NR2F1-AS1: variants seen among roughly 807,000 people sequenced by gnomAD.
NR2F1-AS1 encodes NR2F1 regulatory antisense RNA 1.
chr5:93,454,054 G>A (rs1267338473), intron 4 of NR2F1-AS1, among the ~76,000 whole-genome samples: 1 of 152,172 alleles, frequency 6.6e-6, no homozygotes, highest in Non-Finnish European at 1.5e-5. Context: ...AGGCAGGATT[G>A]CTTGAGCCCA....
chr5:93,528,505 T>C (rs899617618), intron 4 of NR2F1-AS1, among the ~76,000 whole-genome samples: 10 of 152,152 alleles, frequency 6.6e-5, no homozygotes, highest in African/African-American at 2.4e-4. Flanking sequence ...TCCTCAAGGA[T>C]CTAGAACTAG....
chr5:93,434,171 TC>T (rs917176531), intron 4 of NR2F1-AS1, among the ~76,000 whole-genome samples: 3 of 152,162 alleles, frequency 2.0e-5, no homozygotes, highest in African/African-American at 7.2e-5. Context: ...TGCCTTTTTT[TC>T]ATTGCTAGAA....
At chr5:93,493,346 T>C (rs1750890882) in intron 4 of NR2F1-AS1, among the ~76,000 whole-genome samples, 1 of 151,954 alleles carries the variant, frequency 6.6e-6, no homozygotes, top group African/African-American at 2.4e-5. Flanking sequence ...GTGAAAGACA[T>C]ACACTGTATG....
At chr5:93,491,724 A>G (rs1279487986) in intron 4 of NR2F1-AS1, among the ~76,000 whole-genome samples, 1 of 152,076 alleles carries the variant, frequency 6.6e-6, no homozygotes, top group Admixed American at 6.6e-5. Flanking sequence ...ATCTTCTCCT[A>G]CCCTTGGACA....
At chr5:93,572,821 A>G (rs1400389726) in intron 1 of NR2F1-AS1, among the ~76,000 whole-genome samples, 3 of 152,260 alleles carry the variant, frequency 2.0e-5, no homozygotes, top group African/African-American at 7.2e-5. Flanking sequence ...GCTGCTATTA[A>G]GAGCTCAAAT....
chr5:93,473,608 T>G (rs899588146), intron 4 of NR2F1-AS1, among the ~76,000 whole-genome samples: 4 of 150,842 alleles, frequency 2.7e-5, no homozygotes, highest in African/African-American at 9.7e-5. Flanking sequence ...AATATACCCT[T>G]AAATATATAT....
chr5:93,457,084 G>A (rs897467788), intron 4 of NR2F1-AS1, among the ~76,000 whole-genome samples: 1 of 152,180 alleles, frequency 6.6e-6, no homozygotes, highest in African/African-American at 2.4e-5. Context: ...ACGAGCAGGA[G>A]ACAGATGCCT....
At position 93,465,377 on chromosome 5, in the gene NR2F1-AS1, T is replaced by C. The variant is rs556033600; in HGVS notation, n.639-69835A>G. ...AATGCAAATCAAAACCACAATGAGA[T>C]ACCATCTCATGCCAGTTAGAATGGC... On this transcript the variant is annotated intron_variant and non_coding_transcript_variant, in intron 4 of 5. Coordinates refer to ENST00000660523, the Ensembl canonical transcript of NR2F1-AS1. 3.3e-5 allele frequency among the ~76,000 whole-genome samples: 5 copies of C among 152,334 alleles called. No individual in the cohort carries two copies. In the East Asian group the frequency reaches 5.8e-4, roughly 18 times the overall value.
At chr5:93,569,676 A>G (rs909447062) in intron 1 of NR2F1-AS1, among the ~76,000 whole-genome samples, 1 of 152,348 alleles carries the variant, frequency 6.6e-6, no homozygotes, top group East Asian at 1.9e-4. Flanking sequence ...AAAAGTTTCC[A>G]CAGTGTAACC....
intron 1 of NR2F1-AS1, chr5:93,569,926 G>C (rs1752706904): frequency 6.6e-6 from 1 of 152,154 alleles, no homozygotes; most frequent in Non-Finnish European, 1.5e-5. Context: ...GCAACATCTG[G>C]AGCACGAGTC....
At chr5:93,440,803 C>T (rs920325710) in intron 4 of NR2F1-AS1, among the ~76,000 whole-genome samples, 1 of 152,162 alleles carries the variant, frequency 6.6e-6, no homozygotes, top group African/African-American at 2.4e-5. Context: ...TTCAGCACTA[C>T]CAGCTTTCAT....
chr5:93,572,654 C>A (rs549184288), intron 1 of NR2F1-AS1, among the ~76,000 whole-genome samples: 8 of 152,346 alleles, frequency 5.3e-5, no homozygotes, highest in African/African-American at 1.9e-4. Context: ...CGCCGTTATT[C>A]CAGACTCCAG....
intron 4 of NR2F1-AS1, among the ~76,000 whole-genome samples, chr5:93,499,501 C>T (rs983449743): frequency 1.3e-5 from 2 of 152,090 alleles, no homozygotes; most frequent in African/African-American, 4.8e-5. Context: ...TTACTATTGT[C>T]ATTGTTTGAG....
intron 4 of NR2F1-AS1, among the ~76,000 whole-genome samples, chr5:93,534,717 T>C (rs1266041837): frequency 1.3e-5 from 2 of 152,132 alleles, no homozygotes; most frequent in East Asian, 3.9e-4. Flanking sequence ...GGCAGAGAAG[T>C]AGATCATCCA....
intron 4 of NR2F1-AS1, among the ~76,000 whole-genome samples, chr5:93,502,867 A>G (rs926436560): frequency 2.0e-5 from 3 of 152,226 alleles, no homozygotes; most frequent in Admixed American, 6.5e-5. Flanking sequence ...AATGAAAAAA[A>G]CTAGGGGCTG....
intron 4 of NR2F1-AS1, among the ~76,000 whole-genome samples, chr5:93,448,771 T>C (rs1396543946): frequency 6.6e-6 from 1 of 152,172 alleles, no homozygotes; most frequent in Non-Finnish European, 1.5e-5. Flanking sequence ...TTTTGTTCTA[T>C]TGAGGTCTTC....
chr5:93,481,109 G>T (rs565960092), intron 4 of NR2F1-AS1, among the ~76,000 whole-genome samples: 3 of 151,994 alleles, frequency 2.0e-5, no homozygotes, highest in Non-Finnish European at 4.4e-5. Context: ...CCAGCTAGTT[G>T]CTGCTTAAAA....
At chr5:93,526,033 A>C (rs1446417904) in intron 4 of NR2F1-AS1, among the ~76,000 whole-genome samples, 4 of 152,054 alleles carry the variant, frequency 2.6e-5, no homozygotes, top group Non-Finnish European at 5.9e-5. Flanking sequence ...AGATAGACAC[A>C]AAAAAACCCT....
chr5:93,469,037 G>A (rs1158503191), intron 4 of NR2F1-AS1, among the ~76,000 whole-genome samples: 1 of 152,084 alleles, frequency 6.6e-6, no homozygotes. Flanking sequence ...TTAACCCAAA[G>A]GAATGCTTAA....
Sources: allele counts gnomAD v4.1 joint callset (sites outside exome capture counted in the v4.1 genomes callset), GRCh38; gene constraint gnomAD v4.1.1; transcripts MANE v1.5; gene names NCBI Gene and HGNC (gene_info 2026-07-23, HGNC 2026-07-21).